SRFBP1: variants seen among roughly 807,000 people sequenced by gnomAD.
SRFBP1 encodes serum response factor binding protein 1.
A neutral mutation model predicts 45.5 loss-of-function variants in SRFBP1; 47 were observed. The ratio of observed to expected loss-of-function variants is 1.03; its 90% CI spans 0.82 to 1.32. The LOEUF is 1.32. Among genes scored for constraint, SRFBP1 ranks in the 40% most tolerant of loss-of-function variants. SRFBP1 has a pLI of 0.00. For synonymous variants in SRFBP1, 203 were observed against 166.3 expected (o/e 1.22, Z -1.70); for missense variants, 621 against 484.6 (o/e 1.28, Z -2.64).
chr5:121,981,662 A>T (rs755460400), intron 3 of SRFBP1, among the ~76,000 whole-genome samples: 10 of 151,398 alleles, frequency 6.6e-5, no homozygotes, highest in Non-Finnish European at 1.5e-4. Flanking sequence ...CTCCCACCTG[A>T]ATAAACATTT....
chr5:122,003,091 C>G (rs1412946931), intron 4 of SRFBP1, among the ~76,000 whole-genome samples: 1 of 152,062 alleles, frequency 6.6e-6, no homozygotes, highest in Non-Finnish European at 1.5e-5. Flanking sequence ...CCCTGTAGTC[C>G]CAGTGCTTTG....
At chr5:121,976,089 T>C in intron 3 of SRFBP1, among the ~76,000 whole-genome samples, 1 of 152,060 alleles carries the variant, frequency 6.6e-6, no homozygotes, top group East Asian at 1.9e-4. Context: ...TATTTTGGTA[T>C]AACTTTCAAG....
At chr5:122,045,163 G>T (rs1040949147) in intron 2 of SRFBP1, among the ~76,000 whole-genome samples, 6 of 152,104 alleles carry the variant, frequency 3.9e-5, no homozygotes, top group African/African-American at 1.4e-4. Flanking sequence ...AGACAAGATG[G>T]TTGTACATTT....
intron 3 of SRFBP1, among the ~76,000 whole-genome samples, chr5:121,986,209 GAAGA>G (rs1157535232): frequency 6.6e-6 from 1 of 152,036 alleles, no homozygotes; most frequent in East Asian, 1.9e-4. Context: ...AAGAAGAAAG[GAAGA>G]ATTAACTTAA....
chr5:122,002,555 A>G (rs1052863413), intron 4 of SRFBP1, among the ~76,000 whole-genome samples: 7 of 152,224 alleles, frequency 4.6e-5, no homozygotes, highest in Non-Finnish European at 2.9e-5. Context: ...CAGATACTGC[A>G]TAGTTTTTAC....
At chr5:122,005,323 C>T (rs1455769233) in intron 4 of SRFBP1, among the ~76,000 whole-genome samples, 1 of 152,054 alleles carries the variant, frequency 6.6e-6, no homozygotes, top group African/African-American at 2.4e-5. Context: ...TATTTGGGTC[C>T]TCTGATACTG....
At chr5:121,994,436 C>A (rs942867829) in intron 3 of SRFBP1, among the ~76,000 whole-genome samples, 163 bp from the exon 4 acceptor site, 41 of 151,990 alleles carry the variant, frequency 2.7e-4, no homozygotes, top group African/African-American at 9.6e-4. Context: ...CCGTTATATT[C>A]CTGATGTTTC....
Position 121,976,453 on chromosome 5 carries a change from T to C in SRFBP1, c.198+1066T>C, listed in dbSNP as rs72786954. 4.9e-3 allele frequency among the ~76,000 whole-genome samples: 746 copies of C among 152,030 alleles called. 3 individuals are homozygous for C. Among genetic ancestry groups the C allele is most frequent in the Non-Finnish European group, 7.8e-3 (530 of 67,852 alleles). The stretch of plus-strand genomic sequence containing the variant: ...ATTTGTGTCTCTGTGGTTTGCAGAT[T>C]ATTTAGTTTTTTCATATACCTTTTT... On this transcript the variant is annotated intron_variant, in intron 3 of 7. Coordinates refer to ENST00000339397, the MANE Select transcript of SRFBP1 (RefSeq NM_152546.3).
At chr5:122,000,278 A>G (rs1752833285) in intron 4 of SRFBP1, among the ~76,000 whole-genome samples, 1 of 152,100 alleles carries the variant, frequency 6.6e-6, no homozygotes, top group African/African-American at 2.4e-5. Context: ...CTATAAGTAT[A>G]TAATAGATTT....
chr5:122,022,931 G>C (rs1193913080), intron 7 of SRFBP1, among the ~76,000 whole-genome samples: 1 of 152,204 alleles, frequency 6.6e-6, no homozygotes, highest in East Asian at 1.9e-4. Context: ...TGAATTAGCA[G>C]AGAGGCTGTG....
intron 2 of SRFBP1, among the ~76,000 whole-genome samples, chr5:122,057,791 A>G (rs1754109465): frequency 6.6e-6 from 1 of 152,056 alleles, no homozygotes; most frequent in South Asian, 2.1e-4. Flanking sequence ...CAATCCTCCC[A>G]TCTCAGCCTC....
intron 4 of SRFBP1, among the ~76,000 whole-genome samples, chr5:122,003,520 C>T (rs1436944880): frequency 6.6e-6 from 1 of 151,828 alleles, no homozygotes; most frequent in East Asian, 1.9e-4. Flanking sequence ...GGTTTTTTGC[C>T]ATATATGTCC....
chr5:122,005,364 G>A lies in SRFBP1; in HGVS notation c.270+10694G>A, dbSNP rs553718534. ...TTATATATTTACAAGTGTTATATCC[G>A]TCTGATGAATTGACCCCTTTATCTA... On this transcript the variant is annotated intron_variant, in intron 4 of 7. Transcript: ENST00000339397. Among the ~76,000 whole-genome samples the A allele has an allele frequency of 7.2e-5, 11 of 152,046 alleles. No individual in the cohort carries two copies. In the South Asian group the frequency reaches 8.3e-4, roughly 11 times the overall value.
chr5:122,027,757 A>T lies in SRFBP1; in HGVS notation c.*631A>T, dbSNP rs1263643769. On this transcript the variant is annotated 3_prime_UTR_variant, in exon 8 of 8. Transcript: ENST00000339397. ...TGTACAGATAAATATTAATTTTATT[A>T]TAGTTTTAAGTACTTGTGATCATGT... 1.3e-5 allele frequency: 2 copies of T among 152,168 alleles called. No homozygotes were observed. The highest frequency in any genetic ancestry group is 2.9e-5 in the Non-Finnish European group (2 of 68,024). 9.4% of individuals were successfully genotyped at this position (152,168 alleles called of 1,614,324 possible).
chr5:121,974,399 C>A, intron 2 of SRFBP1, 115 bp downstream of exon 2: 1 of 700,954 alleles, frequency 1.4e-6, no homozygotes, highest in Non-Finnish European at 2.4e-6. Context: ...GTCTTATACA[C>A]CATTTTTGTT....
At position 122,020,490 on chromosome 5, in the gene SRFBP1, A is replaced by G. The variant is rs530562878; in HGVS notation, c.755A>G (p.Glu252Gly). Reference sequence around the variant, plus strand: ...TCTGGTAACAGTGATGGCGGAGAAGAATTTTGTGAAGAGGAGAAGGAATAT... The same window carrying G: ...TCTGGTAACAGTGATGGCGGAGAAGGATTTTGTGAAGAGGAGAAGGAATAT... ...SLSGNSDGGEEFCEEEKEYFD... is the reference protein window; with the variant it reads ...SLSGNSDGGEGFCEEEKEYFD... The change falls in exon 6 of 8, where the codon GAA becomes GGA. Residue 252 changes from glutamate to glycine, a missense_variant. Glu to Gly is a moderately conservative substitution (Grantham distance 98, BLOSUM62 -2). Coordinates refer to ENST00000339397, the MANE Select transcript of SRFBP1 (RefSeq NM_152546.3). The G allele has an allele frequency of 3.7e-6, 6 of 1,614,172 alleles. No individual in the cohort carries two copies. In the East Asian group the frequency reaches 1.1e-4, roughly 30 times the overall value.
chr5:122,078,818 G>A, downstream of SRFBP1, among the ~76,000 whole-genome samples: 1 of 152,212 alleles, frequency 6.6e-6, no homozygotes, highest in Admixed American at 6.5e-5. Flanking sequence ...GGTAATATGA[G>A]AAATGGGTTA....
At chr5:122,011,406 A>AAGGAAAGCTGTGGTTTC (rs1753090929) in intron 4 of SRFBP1, among the ~76,000 whole-genome samples, 2 of 152,168 alleles carry the variant, frequency 1.3e-5, no homozygotes, top group Admixed American at 1.3e-4. Context: ...AACTTTAAAT[A>AAGGAAAGCTGTGGTTTC]AGGAAAGCTG....
chr5:121,975,627 A>G (rs1364607040), intron 3 of SRFBP1, among the ~76,000 whole-genome samples: 2 of 151,982 alleles, frequency 1.3e-5, no homozygotes, highest in Non-Finnish European at 2.9e-5. Flanking sequence ...AATTGTGCCA[A>G]ACTAAATTCA....
Sources: allele counts gnomAD v4.1 joint callset (sites outside exome capture counted in the v4.1 genomes callset), GRCh38; gene constraint gnomAD v4.1.1; transcripts MANE v1.5; gene names NCBI Gene and HGNC (gene_info 2026-07-23, HGNC 2026-07-21).